The following ZNF892 variants were observed in gnomAD, a reference collection of about 807,000 sequenced individuals.
The protein encoded by ZNF892 is zinc finger protein 570-like.
chr2:95,217,657 C>T, the ZNF892 span, among the ~76,000 whole-genome samples: 1 of 152,182 alleles, frequency 6.6e-6, no homozygotes, highest in South Asian at 2.1e-4. Context: ...GGGATGCATC[C>T]TGAGCAAGTC....
chr2:95,214,423 G>C, the ZNF892 span: 5 of 398,380 alleles, frequency 1.3e-5, no homozygotes, highest in Non-Finnish European at 1.8e-5. Context: ...TTAATTGTAA[G>C]ATTTTCAAAG....
the ZNF892 span, among the ~76,000 whole-genome samples, chr2:95,240,622 T>C: frequency 6.6e-6 from 1 of 152,118 alleles, no homozygotes; most frequent in African/African-American, 2.4e-5. Context: ...TACATACCTC[T>C]AGAAAGGGTG....
chr2:95,261,006 C>T, the ZNF892 span, among the ~76,000 whole-genome samples: 1 of 152,184 alleles, frequency 6.6e-6, no homozygotes. Flanking sequence ...CCAACAGTGA[C>T]CTGCAAAGGG....
the ZNF892 span, among the ~76,000 whole-genome samples, chr2:95,211,320 A>G: frequency 6.6e-6 from 1 of 152,192 alleles, no homozygotes; most frequent in Non-Finnish European, 1.5e-5. Context: ...CAAATTCTGT[A>G]GTTCTGTAAT....
the ZNF892 span, among the ~76,000 whole-genome samples, chr2:95,234,597 A>G: frequency 2.0e-5 from 3 of 152,304 alleles, no homozygotes; most frequent in South Asian, 4.1e-4. Context: ...TGAGGGTTCC[A>G]TAAAAGGCCC....
the ZNF892 span, among the ~76,000 whole-genome samples, chr2:95,261,138 C>G: frequency 6.6e-6 from 1 of 152,112 alleles, no homozygotes; most frequent in Non-Finnish European, 1.5e-5. Flanking sequence ...TCATGACAAC[C>G]CAGAAGAGGG....
chr2:95,262,806 C>T, the ZNF892 span, among the ~76,000 whole-genome samples: 4 of 152,224 alleles, frequency 2.6e-5, no homozygotes, highest in Admixed American at 1.3e-4. Flanking sequence ...ACGTATTCAA[C>T]TGAACCTAAT....
At chr2:95,207,341 G>C in the ZNF892 span, among the ~76,000 whole-genome samples, 1 of 152,238 alleles carries the variant, frequency 6.6e-6, no homozygotes, top group African/African-American at 2.4e-5. Context: ...CGAGGGAGGA[G>C]CGGCCCTTCC....
At chr2:95,224,868 A>C in the ZNF892 span, among the ~76,000 whole-genome samples, 1 of 152,198 alleles carries the variant, frequency 6.6e-6, no homozygotes, top group Admixed American at 6.5e-5. Context: ...CTGTTATCAC[A>C]GGAGTGGGTT....
chr2:95,259,146 C>T, the ZNF892 span: 1 of 152,200 alleles, frequency 6.6e-6, no homozygotes, highest in African/African-American at 2.4e-5. Flanking sequence ...GCACCTTTCA[C>T]GTGGGAGTTT....
the ZNF892 span, among the ~76,000 whole-genome samples, chr2:95,212,952 A>G: frequency 6.6e-6 from 1 of 152,212 alleles, no homozygotes. Flanking sequence ...AACTTTTTTG[A>G]AAGATGTTAT....
At chr2:95,233,961 T>A in the ZNF892 span, among the ~76,000 whole-genome samples, 1 of 152,260 alleles carries the variant, frequency 6.6e-6, no homozygotes, top group African/African-American at 2.4e-5. Flanking sequence ...ATTACAGACA[T>A]GAACCACTGT....
chr2:95,258,172 T>C, the ZNF892 span, among the ~76,000 whole-genome samples: 6 of 152,200 alleles, frequency 3.9e-5, no homozygotes, highest in Non-Finnish European at 8.8e-5. Context: ...CGCTGGGAGC[T>C]GTAGACTGGA....
chr2:95,243,642 C>A, the ZNF892 span, among the ~76,000 whole-genome samples: 1 of 150,204 alleles, frequency 6.7e-6, no homozygotes, highest in Admixed American at 6.6e-5. Flanking sequence ...AGTGAGGAGC[C>A]CCTCCGCCTG....
the ZNF892 span, among the ~76,000 whole-genome samples, chr2:95,246,233 T>G: frequency 6.6e-6 from 1 of 152,226 alleles, no homozygotes; most frequent in African/African-American, 2.4e-5. Flanking sequence ...GTAAATGTGA[T>G]TAATCACATA....
At chr2:95,219,103 A>G in the ZNF892 span, among the ~76,000 whole-genome samples, 2 of 151,826 alleles carry the variant, frequency 1.3e-5, no homozygotes, top group Non-Finnish European at 2.9e-5. Context: ...GGTTCACGCC[A>G]TTCTCCTGCC....
At chr2:95,236,583 A>C in the ZNF892 span, among the ~76,000 whole-genome samples, 1 of 152,230 alleles carries the variant, frequency 6.6e-6, no homozygotes, top group Non-Finnish European at 1.5e-5. Flanking sequence ...ATTCAGTGGT[A>C]TGATCTGAAC....
chr2:95,229,492 C>T, the ZNF892 span, among the ~76,000 whole-genome samples: 1 of 152,242 alleles, frequency 6.6e-6, no homozygotes, highest in Non-Finnish European at 1.5e-5. Context: ...TGTGGGTGAT[C>T]ACTGGTTTGG....
chr2:95,211,983 C>T, the ZNF892 span, among the ~76,000 whole-genome samples: 2 of 152,200 alleles, frequency 1.3e-5, no homozygotes, highest in Non-Finnish European at 2.9e-5. Flanking sequence ...ATGAAAACAA[C>T]TCTTAAGAGA....
Sources: gnomAD v4.1 joint callset for allele counts (sites outside exome capture counted in the v4.1 genomes callset) on GRCh38, gnomAD v4.1.1 for gene constraint, MANE v1.5 for transcripts, NCBI Gene and HGNC (gene_info 2026-07-23, HGNC 2026-07-21) for gene names.